The following NTM variants were observed in gnomAD, a reference collection of about 807,000 sequenced individuals.
NTM encodes neurotrimin, also known as IgLON family member 2.
Under a neutral mutation model 42.1 loss-of-function variants are expected in NTM, and 13 were observed. The observed-to-expected ratio is 0.31, with a 90% CI of 0.20 to 0.49. The LOEUF (loss-of-function observed/expected upper bound fraction) is 0.49. Among genes scored for constraint, NTM ranks in the 20% least tolerant of loss-of-function variants. NTM has a pLI of 0.99. For synonymous variants in NTM, 187 were observed against 179.2 expected (o/e 1.04, Z -0.35); for missense variants, 373 against 452.8 (o/e 0.82, Z 1.60).
At chr11:131,946,570 C>T (rs1373263029) in intron 2 of NTM, among the ~76,000 whole-genome samples, 1 of 152,180 alleles carries the variant, frequency 6.6e-6, no homozygotes, top group African/African-American at 2.4e-5. Context: ...GGAAAAGTTT[C>T]CTTGAAGAGA....
At chr11:131,388,368 A>G (rs1943576337) in intron 1 of NTM, among the ~76,000 whole-genome samples, 1 of 152,082 alleles carries the variant, frequency 6.6e-6, no homozygotes, top group East Asian at 1.9e-4. Context: ...CCTGATCAAC[A>G]AATGATTTTT....
At chr11:132,059,550 G>A (rs181063912) in intron 2 of NTM, among the ~76,000 whole-genome samples, 6 of 152,210 alleles carry the variant, frequency 3.9e-5, no homozygotes, top group Admixed American at 2.6e-4. Flanking sequence ...GTGTGGTACC[G>A]GCTGAACTCA....
At chr11:132,175,897 T>A (rs923426342) in intron 3 of NTM, among the ~76,000 whole-genome samples, 2 of 152,216 alleles carry the variant, frequency 1.3e-5, no homozygotes, top group African/African-American at 4.8e-5. Flanking sequence ...ATTTGTATCA[T>A]GGCTGCAACA....
chr11:131,825,317 TTC>T (rs1433831696), intron 1 of NTM, among the ~76,000 whole-genome samples: 1 of 152,014 alleles, frequency 6.6e-6, no homozygotes, highest in Non-Finnish European at 1.5e-5. Flanking sequence ...CCTGCAATTA[TTC>T]TGTTTTCAAA....
At chr11:131,929,513 T>C (rs1479794112) in intron 2 of NTM, among the ~76,000 whole-genome samples, 1 of 152,088 alleles carries the variant, frequency 6.6e-6, no homozygotes, top group Non-Finnish European at 1.5e-5. Flanking sequence ...TTCCGTTTTT[T>C]TTGTATACGG....
At chr11:131,842,416 T>G (rs907477197) in intron 1 of NTM, among the ~76,000 whole-genome samples, 2 of 152,172 alleles carry the variant, frequency 1.3e-5, no homozygotes, top group African/African-American at 4.8e-5. Flanking sequence ...AGCACAGTTT[T>G]GCAAGTCGTG....
At position 131,508,762 on chromosome 11, in the gene NTM, A is replaced by G. The variant is rs1307242926; in HGVS notation, c.82+137874A>G. ...GACATGGATGAAATTGGAAATCATCATTCTCAGTAAACTATCGCAAGAACA... is the reference window on the plus strand; with the variant it reads ...GACATGGATGAAATTGGAAATCATCGTTCTCAGTAAACTATCGCAAGAACA... On this transcript the variant is annotated intron_variant, in intron 1 of 8. Coordinates refer to ENST00000683400, the MANE Select transcript of NTM (RefSeq NM_001352005.2). 9.7e-4 allele frequency among the ~76,000 whole-genome samples: 141 copies of G among 145,622 alleles called. 1 individual carries two copies. Among genetic ancestry groups the G allele is most frequent in the African/African-American group, 3.4e-3 (129 of 38,246 alleles).
intron 1 of NTM, among the ~76,000 whole-genome samples, chr11:131,810,423 C>T (rs575265388): frequency 3.2e-4 from 48 of 152,322 alleles, no homozygotes; most frequent in African/African-American, 1.1e-3. Flanking sequence ...CTGCTCCTTC[C>T]AGATGGGTCT....
At chr11:131,419,661 C>T (rs1947305208) in intron 1 of NTM, among the ~76,000 whole-genome samples, 1 of 151,900 alleles carries the variant, frequency 6.6e-6, no homozygotes, top group Admixed American at 6.6e-5. Flanking sequence ...ACAGAAGCCA[C>T]ATCATGTAGG....
chr11:132,122,767 C>T (rs1423300960), intron 2 of NTM, among the ~76,000 whole-genome samples: 1 of 152,174 alleles, frequency 6.6e-6, no homozygotes, highest in South Asian at 2.1e-4. Flanking sequence ...ATCTCCTGAG[C>T]TCCTTAGTTG....
chr11:131,442,890 CTT>C (rs1290766689), intron 1 of NTM, among the ~76,000 whole-genome samples: 1 of 152,018 alleles, frequency 6.6e-6, no homozygotes, highest in Non-Finnish European at 1.5e-5. Flanking sequence ...TTGGTGGACA[CTT>C]AGGTTGATTC....
intron 1 of NTM, among the ~76,000 whole-genome samples, chr11:131,497,235 C>G (rs573831040): frequency 2.0e-5 from 3 of 152,294 alleles, no homozygotes; most frequent in Admixed American, 2.0e-4. Context: ...GTCACCCAGC[C>G]TGGAGTGCAG....
intron 1 of NTM, among the ~76,000 whole-genome samples, chr11:131,638,703 G>A (rs988564148): frequency 3.3e-5 from 5 of 151,678 alleles, no homozygotes; most frequent in Admixed American, 1.3e-4. Context: ...CCCCTTCTAA[G>A]GATAACGATA....
chr11:131,779,538 T>G (rs2087679678), intron 1 of NTM, among the ~76,000 whole-genome samples: 1 of 152,168 alleles, frequency 6.6e-6, no homozygotes, highest in African/African-American at 2.4e-5. Context: ...CCGTTTATTT[T>G]TCGTAGACTA....
chr11:132,074,926 A>C (rs2058169416), intron 2 of NTM, among the ~76,000 whole-genome samples: 1 of 152,228 alleles, frequency 6.6e-6, no homozygotes, highest in Admixed American at 6.5e-5. Context: ...TGATCACCAT[A>C]AGTTGTATGT....
At chr11:132,320,549 C>T (rs3133909) in intron 7 of NTM, among the ~76,000 whole-genome samples, 51,755 of 151,834 alleles carry the variant, frequency 0.34, 9,210 homozygotes, top group Non-Finnish European at 0.4. Flanking sequence ...TCGCTGATTG[C>T]TAGCACAGCA....
At chr11:131,975,273 C>A (rs371539021) in intron 2 of NTM, among the ~76,000 whole-genome samples, 2 of 152,032 alleles carry the variant, frequency 1.3e-5, no homozygotes, top group Non-Finnish European at 2.9e-5. Context: ...CTCTGCCTCC[C>A]GGGTTCAAGC....
At chr11:131,658,226 T>G (rs2067459037) in intron 1 of NTM, among the ~76,000 whole-genome samples, 1 of 152,216 alleles carries the variant, frequency 6.6e-6, no homozygotes, top group African/African-American at 2.4e-5. Flanking sequence ...ATTCTCCTAT[T>G]CAATAAGAAA....
At chr11:131,404,560 C>T (rs527457363) in intron 1 of NTM, among the ~76,000 whole-genome samples, 4 of 152,146 alleles carry the variant, frequency 2.6e-5, no homozygotes, top group Non-Finnish European at 5.9e-5. Context: ...CTGGTGACTG[C>T]CAATTTTACA....
Sources: allele counts gnomAD v4.1 joint callset (sites outside exome capture counted in the v4.1 genomes callset), GRCh38; gene constraint gnomAD v4.1.1; transcripts MANE v1.5; gene names NCBI Gene and HGNC (gene_info 2026-07-23, HGNC 2026-07-21).